RIC1: variants seen among roughly 807,000 people sequenced by gnomAD.
RIC1 encodes guanine nucleotide exchange factor subunit RIC1.
Under a neutral mutation model 169.0 loss-of-function variants are expected in RIC1, and 88 were observed. The observed-to-expected ratio is 0.52, with a 90% CI of 0.44 to 0.62. The LOEUF is 0.62. RIC1 is among the 20% of genes least tolerant of loss of function. The pLI is 0.00. For missense variants in RIC1, 1,877 were observed against 1,725.5 expected (o/e 1.09, Z -1.56); for synonymous variants, 790 against 601.5 (o/e 1.31, Z -4.59).
Position 5,683,484 on chromosome 9 carries a change from G to A in RIC1, c.253-6475G>A, listed in dbSNP as rs560631607. ...TGGATATTGGTGAACCTCAAATGCT[G>A]CTGCCTGATCGTTGCTCTGGAAGTT... On this transcript the variant is annotated intron_variant, in intron 2 of 25. Coordinates refer to ENST00000414202, the MANE Select transcript of RIC1 (RefSeq NM_020829.4). 6.6e-5 allele frequency among the ~76,000 whole-genome samples: 10 copies of A among 152,312 alleles called. No homozygotes were observed. The South Asian group carries it at 2.1e-3, about 32-fold the overall frequency.
chr9:5,753,489 A>C, intron 13 of RIC1, 47 bp from the exon 14 acceptor site: 1 of 1,154,814 alleles, frequency 8.7e-7, no homozygotes, highest in East Asian at 2.4e-5. Flanking sequence ...TGCCTAATAA[A>C]GTATATAGGT....
chr9:5,640,161 C>A (rs1417972480), intron 1 of RIC1, among the ~76,000 whole-genome samples: 1 of 151,986 alleles, frequency 6.6e-6, no homozygotes, highest in Non-Finnish European at 1.5e-5. Flanking sequence ...TTGCTGTGTT[C>A]CTTTTAGTGA....
intron 1 of RIC1, among the ~76,000 whole-genome samples, chr9:5,651,322 A>T (rs1319251711): frequency 2.0e-5 from 3 of 150,936 alleles, no homozygotes; most frequent in African/African-American, 7.3e-5. Context: ...TGTGTCTTAG[A>T]TGTTCTGTTG....
intron 1 of RIC1, 63 bp from the exon 2 acceptor site, chr9:5,656,520 A>G: frequency 1.4e-6 from 1 of 694,182 alleles, no homozygotes; most frequent in Non-Finnish European, 2.3e-6. Flanking sequence ...CTTAAATTTT[A>G]TTTGTGTATT....
chr9:5,698,277 G>A (rs1822021083), intron 3 of RIC1, among the ~76,000 whole-genome samples: 1 of 152,152 alleles, frequency 6.6e-6, no homozygotes, highest in Non-Finnish European at 1.5e-5. Context: ...TAAGACTTCT[G>A]TGTAGTTTTT....
At chr9:5,693,629 AG>A in intron 3 of RIC1, among the ~76,000 whole-genome samples, 1 of 152,238 alleles carries the variant, frequency 6.6e-6, no homozygotes, top group East Asian at 1.9e-4. Context: ...TGGAAATTTT[AG>A]TGAAATTAAT....
intron 12 of RIC1, among the ~76,000 whole-genome samples, chr9:5,748,190 G>A (rs188516186): frequency 4.6e-5 from 7 of 152,172 alleles, no homozygotes; most frequent in Non-Finnish European, 1.0e-4. Context: ...TCAGTCTTCC[G>A]ACTGTTTTCT....
In RIC1 at chr9:5,713,886, T is replaced by C; in HGVS notation, c.333-10T>C. 8 of 1,597,078 alleles carry C rather than the reference T, an allele frequency of 5.0e-6. No individual in the cohort carries two copies. Among genetic ancestry groups the C allele is most frequent in the Non-Finnish European group, 6.9e-6 (8 of 1,165,082 alleles). ...AGCATCTTTCTTTAACTCTATGCTG[T>C]TTGTTTTAGAGGAAGTCCACAAATG... On this transcript the variant is annotated splice_polypyrimidine_tract_variant and intron_variant, in intron 3 of 25. Coordinates refer to ENST00000414202, the MANE Select transcript of RIC1 (RefSeq NM_020829.4).
chr9:5,708,376 C>A (rs10975254), intron 3 of RIC1, among the ~76,000 whole-genome samples: 29,050 of 151,954 alleles, frequency 0.19, 2,839 homozygotes, highest in East Asian at 0.25. Context: ...TATCAGTGTT[C>A]TTTATTTTCT....
At chr9:5,637,320 C>A (rs942805671) in intron 1 of RIC1, among the ~76,000 whole-genome samples, 3 of 152,104 alleles carry the variant, frequency 2.0e-5, no homozygotes, top group Non-Finnish European at 4.4e-5. Context: ...CCATCCACCT[C>A]GGGCTCCCAA....
chr9:5,752,659 C>T (rs2131033589), intron 12 of RIC1, among the ~76,000 whole-genome samples: 1 of 152,264 alleles, frequency 6.6e-6, no homozygotes, highest in Admixed American at 6.5e-5. Context: ...TGGTCACAAA[C>T]TCCTGACCTC....
intron 18 of RIC1, 35 bp downstream of exon 18, chr9:5,762,695 TA>T: frequency 6.2e-7 from 1 of 1,604,706 alleles, no homozygotes; most frequent in Non-Finnish European, 8.5e-7. Context: ...TTTCAAACAT[TA>T]AGAAGGTATG....
At chr9:5,766,434 T>C (rs1019844080) in intron 21 of RIC1, among the ~76,000 whole-genome samples, 1 of 152,158 alleles carries the variant, frequency 6.6e-6, no homozygotes, top group Non-Finnish European at 1.5e-5. Flanking sequence ...TGTGAGATTT[T>C]GGTGCACCCA....
downstream of RIC1, among the ~76,000 whole-genome samples, chr9:5,776,947 G>T (rs1378574508): frequency 1.3e-5 from 2 of 152,056 alleles, no homozygotes; most frequent in African/African-American, 4.8e-5. Flanking sequence ...CAGTCTCCAT[G>T]GATTTGCCTA....
At chr9:5,710,056 A>G (rs1460328792) in intron 3 of RIC1, among the ~76,000 whole-genome samples, 2 of 152,196 alleles carry the variant, frequency 1.3e-5, no homozygotes, top group East Asian at 1.9e-4. Context: ...GGTATCTCCA[A>G]CCCTTGAGCT....
At position 5,717,503 on chromosome 9, in the gene RIC1, G is replaced by A. The variant is rs183858389; in HGVS notation, c.441-2679G>A. ...ATGCAAGCAGAAAGCTGACCAATCC[G>A]GGAGAACAGACTTCAGAAAATGGGG... On this transcript the variant is annotated intron_variant, in intron 4 of 25. Transcript: ENST00000414202. 3.4e-4 allele frequency among the ~76,000 whole-genome samples: 52 copies of A among 152,162 alleles called. No individual in the cohort carries two copies. In the East Asian group the frequency reaches 4.8e-3, roughly 14 times the overall value.
At chr9:5,678,564 A>G (rs1820600846) in intron 2 of RIC1, among the ~76,000 whole-genome samples, 1 of 152,184 alleles carries the variant, frequency 6.6e-6, no homozygotes, top group Middle Eastern at 3.4e-3. Flanking sequence ...ATGATATCTC[A>G]TAGTGGCTTT....
chr9:5,631,738 A>G (rs908592828), intron 1 of RIC1, among the ~76,000 whole-genome samples: 2 of 151,512 alleles, frequency 1.3e-5, no homozygotes, highest in Non-Finnish European at 2.9e-5. Context: ...TATAAGGTGT[A>G]TGATTACATG....
At chr9:5,634,774 A>C (rs1022781166) in intron 1 of RIC1, among the ~76,000 whole-genome samples, 1 of 152,106 alleles carries the variant, frequency 6.6e-6, no homozygotes, top group African/African-American at 2.4e-5. Context: ...ATGTCATCCA[A>C]AATACCATCG....
Sources: allele counts gnomAD v4.1 joint callset (sites outside exome capture counted in the v4.1 genomes callset), GRCh38; gene constraint gnomAD v4.1.1; transcripts MANE v1.5; gene names NCBI Gene and HGNC (gene_info 2026-07-23, HGNC 2026-07-21).